Variants in STPG2 observed in about 807,000 individuals in gnomAD.
STPG2 encodes sperm-tail PG-rich repeat-containing protein 2.
A neutral mutation model predicts 54.2 loss-of-function variants in STPG2; 56 were observed. The observed-to-expected ratio is 1.03, with a 90% CI of 0.83 to 1.29. The LOEUF (loss-of-function observed/expected upper bound fraction) is 1.29. STPG2 is among the 50% of genes most tolerant of loss of function. STPG2 has a pLI of 0.00. For synonymous variants in STPG2, 200 were observed against 181.8 expected, an observed-to-expected ratio of 1.10 and a Z score of -0.81; for missense variants, 596 against 544.9, an observed-to-expected ratio of 1.09 and a Z score of -0.93.
At chr4:97,608,603 A>G (rs1392362195) in intron 10 of STPG2, among the ~76,000 whole-genome samples, 2 of 152,070 alleles carry the variant, frequency 1.3e-5, no homozygotes, top group Admixed American at 6.6e-5. Context: ...CGGCTTTACA[A>G]AAGCTGTAAT....
At chr4:97,606,567 T>A (rs1445307196) in intron 10 of STPG2, among the ~76,000 whole-genome samples, 1 of 151,990 alleles carries the variant, frequency 6.6e-6, no homozygotes, top group African/African-American at 2.4e-5. Flanking sequence ...GAAAACTAAT[T>A]AAATGTAATA....
At chr4:97,935,692 A>G (rs572459548) in intron 8 of STPG2, among the ~76,000 whole-genome samples, 42 of 151,944 alleles carry the variant, frequency 2.8e-4, no homozygotes, top group Non-Finnish European at 4.9e-4. Context: ...GCGGTTTTTA[A>G]TGAGTTTCCT....
intron 5 of STPG2, among the ~76,000 whole-genome samples, chr4:98,045,692 T>C (rs1367196736): frequency 6.6e-6 from 1 of 152,136 alleles, no homozygotes; most frequent in Non-Finnish European, 1.5e-5. Flanking sequence ...TGCAAGATTT[T>C]TGCTAAAAAA....
At chr4:97,495,807 GTAAAATAAAA>G (rs571117310) in intron 4 of STPG2, among the ~76,000 whole-genome samples, 1 of 150,330 alleles carries the variant, frequency 6.7e-6, no homozygotes, top group African/African-American at 2.4e-5. Flanking sequence ...AAGAAGTTTG[GTAAAATAAAA>G]TAAAATAAAA....
chr4:97,717,604 G>A (rs527944060), intron 9 of STPG2, among the ~76,000 whole-genome samples: 31 of 152,202 alleles, frequency 2.0e-4, no homozygotes, highest in African/African-American at 7.5e-4. Flanking sequence ...TTATCAAAAT[G>A]TACATCCATA....
chr4:97,934,359 T>A (rs1167225335), intron 8 of STPG2, among the ~76,000 whole-genome samples: 2 of 152,198 alleles, frequency 1.3e-5, no homozygotes, highest in Admixed American at 6.5e-5. Context: ...TATTTCCTTC[T>A]CTTACCTGAT....
At chr4:98,016,491 C>T (rs1180138706) in intron 5 of STPG2, among the ~76,000 whole-genome samples, 1 of 151,882 alleles carries the variant, frequency 6.6e-6, no homozygotes, top group African/African-American at 2.4e-5. Flanking sequence ...TTTCAAATAA[C>T]CTGTCTTTGA....
intron 8 of STPG2, among the ~76,000 whole-genome samples, chr4:97,873,120 C>A (rs567551809): frequency 7.3e-5 from 11 of 151,230 alleles, no homozygotes; most frequent in Non-Finnish European, 1.3e-4. Context: ...CTCACGTACC[C>A]ACACATACAA....
At chr4:97,988,489 A>G (rs1560624340) in intron 5 of STPG2, among the ~76,000 whole-genome samples, 1 of 152,248 alleles carries the variant, frequency 6.6e-6, no homozygotes, top group South Asian at 2.1e-4. Flanking sequence ...TATTTGCAAG[A>G]AGAATGGATG....
intron 9 of STPG2, among the ~76,000 whole-genome samples, chr4:97,740,718 C>T (rs376287304): frequency 6.6e-6 from 1 of 152,178 alleles, no homozygotes; most frequent in East Asian, 1.9e-4. Context: ...AAAGAGGATA[C>T]AAACAAATGG....
At chr4:98,025,475 C>G in intron 5 of STPG2, 1 of 526,050 alleles carries the variant, frequency 1.9e-6, no homozygotes, top group Non-Finnish European at 3.6e-6. Context: ...AACTGAATAC[C>G]ATGCTTGGAA....
intron 8 of STPG2, among the ~76,000 whole-genome samples, chr4:97,909,658 G>T (rs1008293423): frequency 4.6e-5 from 7 of 151,910 alleles, no homozygotes; most frequent in African/African-American, 1.7e-4. Context: ...CATTTAAAAA[G>T]TAATCAATAT....
rs887931602 is a variant in STPG2 at position 97,969,103 on chromosome 4, G to C, written c.933+3177C>G. ...CCACGGCTCTTCTAGGTCTTTTTAG[G>C]GTTAAGACATACTCCCTTCTGAGAA... On this transcript the variant is annotated intron_variant, in intron 7 of 10. Coordinates refer to ENST00000295268, the MANE Select transcript of STPG2 (RefSeq NM_174952.3). Among the ~76,000 whole-genome samples the C allele has an allele frequency of 3.3e-5, 5 of 152,126 alleles. 1 individual carries two copies. Among genetic ancestry groups the C allele is most frequent in the Admixed American group, 3.3e-4 (5 of 15,284 alleles).
At chr4:98,090,541 T>G (rs1466320440) in intron 5 of STPG2, among the ~76,000 whole-genome samples, 1 of 151,536 alleles carries the variant, frequency 6.6e-6, no homozygotes, top group African/African-American at 2.4e-5. Flanking sequence ...CTATGCAGGC[T>G]TTTTTTTTGT....
At chr4:97,787,978 T>C (rs373438549) in intron 9 of STPG2, among the ~76,000 whole-genome samples, 106 of 151,982 alleles carry the variant, frequency 7.0e-4, no homozygotes, top group East Asian at 4.3e-3. Flanking sequence ...ATTTATGGGG[T>C]ACATAACACA....
chr4:98,139,323 A>T (rs1336899620), intron 1 of STPG2, among the ~76,000 whole-genome samples: 1 of 152,178 alleles, frequency 6.6e-6, no homozygotes, highest in African/African-American at 2.4e-5. Flanking sequence ...CAGTGAGGGG[A>T]CAGTGGGAGA....
At chr4:97,976,413 G>A (rs986844416) in intron 6 of STPG2, among the ~76,000 whole-genome samples, 1 of 152,048 alleles carries the variant, frequency 6.6e-6, no homozygotes, top group African/African-American at 2.4e-5. Context: ...CAGGGCTAGG[G>A]ACCTCAGACA....
At chr4:97,524,499 C>T (rs1731243833) in intron 4 of STPG2, among the ~76,000 whole-genome samples, 1 of 151,828 alleles carries the variant, frequency 6.6e-6, no homozygotes, top group Admixed American at 6.6e-5. Context: ...GTTTCATTTC[C>T]TTAATGTCTT....
chr4:97,856,464 CTGT>C (rs1194816638), intron 8 of STPG2, among the ~76,000 whole-genome samples: 3 of 152,008 alleles, frequency 2.0e-5, no homozygotes, highest in African/African-American at 7.3e-5. Context: ...CTCAGCTTAC[CTGT>C]TGTTGGTGTA....
Sources: allele counts gnomAD v4.1 joint callset (sites outside exome capture counted in the v4.1 genomes callset), GRCh38; gene constraint gnomAD v4.1.1; transcripts MANE v1.5; gene names NCBI Gene and HGNC (gene_info 2026-07-23, HGNC 2026-07-21).